SYNDIG1: variants seen among roughly 807,000 people sequenced by gnomAD.
The protein encoded by SYNDIG1 is synapse differentiation inducing 1.
Under a neutral mutation model 19.4 loss-of-function variants are expected in SYNDIG1, and 9 were observed. That is an observed-to-expected ratio of 0.46 (90% CI 0.28 to 0.81). The LOEUF (loss-of-function observed/expected upper bound fraction) is 0.81, where lower values mean the gene tolerates loss of function less well. Among genes scored for constraint, SYNDIG1 ranks in the 30% least tolerant of loss-of-function variants. The probability of loss-of-function intolerance (pLI) is 0.12; values close to 1 mark genes in which losing one functional copy is unlikely to be tolerated. For missense variants in SYNDIG1, 311 were observed against 343.3 expected (o/e 0.91, Z 0.74); for synonymous variants, 141 against 145.9 (o/e 0.97, Z 0.24).
chr20:24,630,003 C>T (rs1459992244), intron 3 of SYNDIG1, among the ~76,000 whole-genome samples: 1 of 152,196 alleles, frequency 6.6e-6, no homozygotes, highest in Non-Finnish European at 1.5e-5. Context: ...GAGCGGAGTC[C>T]AAGCCCAGCC....
intron 3 of SYNDIG1, among the ~76,000 whole-genome samples, chr20:24,659,836 A>G (rs1047042336): frequency 1.3e-5 from 2 of 152,206 alleles, no homozygotes; most frequent in Non-Finnish European, 2.9e-5. Context: ...AGATTTTACA[A>G]GTTTTATAAA....
At chr20:24,607,707 C>A (rs1447078769) in intron 3 of SYNDIG1, among the ~76,000 whole-genome samples, 3 of 152,230 alleles carry the variant, frequency 2.0e-5, no homozygotes, top group Non-Finnish European at 4.4e-5. Context: ...CACTAGCACA[C>A]TGGGACTTGA....
intron 3 of SYNDIG1, among the ~76,000 whole-genome samples, 186 bp from the exon 4 acceptor site, chr20:24,665,160 C>G (rs2059636284): frequency 1.3e-5 from 2 of 152,128 alleles, no homozygotes; most frequent in South Asian, 4.1e-4. Flanking sequence ...CAGGCCCCAG[C>G]CCCACATTTG....
chr20:24,515,114 A>G (rs1303834444), intron 1 of SYNDIG1, among the ~76,000 whole-genome samples: 3 of 152,368 alleles, frequency 2.0e-5, no homozygotes, highest in Non-Finnish European at 4.4e-5. Flanking sequence ...TCTCTGGGAC[A>G]CATTTAAAAC....
chr20:24,547,549 C>T (rs1360050566), intron 2 of SYNDIG1, among the ~76,000 whole-genome samples: 2 of 152,220 alleles, frequency 1.3e-5, no homozygotes, highest in East Asian at 1.9e-4. Context: ...TGCCATGCCG[C>T]TCATTATCTA....
chr20:24,470,952 G>A (rs1036967789), intron 1 of SYNDIG1, among the ~76,000 whole-genome samples: 4 of 151,634 alleles, frequency 2.6e-5, no homozygotes, highest in African/African-American at 9.7e-5. Context: ...CGAAGGCTTG[G>A]CTGATTGGGG....
chr20:24,492,515 C>G (rs1023881067), intron 1 of SYNDIG1, among the ~76,000 whole-genome samples: 8 of 152,224 alleles, frequency 5.3e-5, no homozygotes, highest in African/African-American at 1.9e-4. Context: ...GCACTGCCTT[C>G]TCTTTTCTTC....
chr20:24,632,210 T>C (rs1261594181), intron 3 of SYNDIG1, among the ~76,000 whole-genome samples: 1 of 152,262 alleles, frequency 6.6e-6, no homozygotes, highest in Non-Finnish European at 1.5e-5. Flanking sequence ...AATTCCCTGC[T>C]GCGTAGATTT....
At chr20:24,664,453 G>C (rs548543326) in intron 3 of SYNDIG1, among the ~76,000 whole-genome samples, 2 of 152,234 alleles carry the variant, frequency 1.3e-5, no homozygotes, top group South Asian at 4.2e-4. Context: ...CAGGGGGCCC[G>C]CGGGTGGCTT....
intron 3 of SYNDIG1, among the ~76,000 whole-genome samples, chr20:24,595,328 C>T (rs191585927): frequency 1.2e-4 from 18 of 152,240 alleles, no homozygotes; most frequent in Admixed American, 2.0e-4. Context: ...GGTTTGCATA[C>T]GTTGAACCAA....
intron 3 of SYNDIG1, among the ~76,000 whole-genome samples, chr20:24,587,314 A>G (rs753924006): frequency 5.3e-5 from 8 of 152,188 alleles, no homozygotes; most frequent in African/African-American, 9.6e-5. Flanking sequence ...TAACACTTTT[A>G]TAAAGATACC....
chr20:24,525,215 A>T (rs1344378241), intron 1 of SYNDIG1, among the ~76,000 whole-genome samples: 1 of 149,564 alleles, frequency 6.7e-6, no homozygotes, highest in Non-Finnish European at 1.5e-5. Flanking sequence ...ATCAACTTTT[A>T]TATGATTTGC....
intron 1 of SYNDIG1, among the ~76,000 whole-genome samples, chr20:24,529,388 A>G (rs2057194541): frequency 6.6e-6 from 1 of 151,620 alleles, no homozygotes; most frequent in Non-Finnish European, 1.5e-5. Flanking sequence ...GGAAGGGATG[A>G]TGGCTAGGAA....
At chr20:24,661,315 G>GAAA (rs2059583349) in intron 3 of SYNDIG1, among the ~76,000 whole-genome samples, 1 of 126,184 alleles carries the variant, frequency 7.9e-6, no homozygotes, top group Non-Finnish European at 1.7e-5. Context: ...GGGAGGAAAG[G>GAAA]GGAGGGAGGG....
chr20:24,526,361 T>G (rs1253474107), intron 1 of SYNDIG1, among the ~76,000 whole-genome samples: 1 of 152,120 alleles, frequency 6.6e-6, no homozygotes, highest in Non-Finnish European at 1.5e-5. Flanking sequence ...TGTACTTCTC[T>G]CCCCTGGTTT....
intron 3 of SYNDIG1, among the ~76,000 whole-genome samples, chr20:24,655,018 G>A (rs931886272): frequency 7.2e-5 from 11 of 152,280 alleles, no homozygotes; most frequent in East Asian, 1.9e-4. Context: ...GAAGCCTTCC[G>A]CGGTGTGTGT....
chr20:24,630,242 A>C (rs898532544), intron 3 of SYNDIG1, among the ~76,000 whole-genome samples: 4 of 152,184 alleles, frequency 2.6e-5, no homozygotes, highest in African/African-American at 9.6e-5. Flanking sequence ...CTCTGCACAC[A>C]CTCACAGGAG....
At chr20:24,492,805 A>T (rs773602717) in intron 1 of SYNDIG1, among the ~76,000 whole-genome samples, 9 of 152,202 alleles carry the variant, frequency 5.9e-5, no homozygotes, top group Non-Finnish European at 1.2e-4. Context: ...CCCTGCATCC[A>T]GCCAAAGTCC....
intron 2 of SYNDIG1, among the ~76,000 whole-genome samples, chr20:24,551,338 C>T (rs911080258): frequency 3.9e-5 from 6 of 152,084 alleles, no homozygotes; most frequent in African/African-American, 1.4e-4. Flanking sequence ...AATATTTACT[C>T]TTTCATGCCT....
Sources: gnomAD v4.1 joint callset for allele counts (sites outside exome capture counted in the v4.1 genomes callset) on GRCh38, gnomAD v4.1.1 for gene constraint, MANE v1.5 for transcripts, NCBI Gene and HGNC (gene_info 2026-07-23, HGNC 2026-07-21) for gene names.